ARHGAP15: variants seen among roughly 807,000 people sequenced by gnomAD.
The protein encoded by ARHGAP15 is rho GTPase-activating protein 15.
A neutral mutation model predicts 63.7 loss-of-function variants in ARHGAP15; 51 were observed. The observed-to-expected ratio is 0.80, with a 90% confidence interval of 0.64 to 1.01. The LOEUF (loss-of-function observed/expected upper bound fraction) is 1.01. ARHGAP15 is among the 50% of genes least tolerant of loss of function. ARHGAP15 has a pLI of 0.00. For missense variants in ARHGAP15, 560 were observed against 564.6 expected (o/e 0.99, Z 0.08); for synonymous variants, 191 against 193.8 (o/e 0.99, Z 0.12).
intron 6 of ARHGAP15, among the ~76,000 whole-genome samples, chr2:143,284,909 A>G (rs1682020584): frequency 6.6e-6 from 1 of 152,170 alleles, no homozygotes; most frequent in Non-Finnish European, 1.5e-5. Flanking sequence ...CCATGTCTCA[A>G]ATTCTTACTT....
At chr2:143,632,608 T>C (rs1452950991) in intron 12 of ARHGAP15, among the ~76,000 whole-genome samples, 1 of 152,138 alleles carries the variant, frequency 6.6e-6, no homozygotes, top group African/African-American at 2.4e-5. Context: ...AAGTAGAGAT[T>C]ATCCTGTGCC....
chr2:143,306,980 G>C (rs879726030), intron 6 of ARHGAP15, among the ~76,000 whole-genome samples: 3 of 152,084 alleles, frequency 2.0e-5, no homozygotes, highest in Non-Finnish European at 2.9e-5. Context: ...AGTCGTCAGT[G>C]GGGCTGTGAT....
At chr2:143,268,272 A>C (rs1373271223) in intron 6 of ARHGAP15, among the ~76,000 whole-genome samples, 1 of 152,116 alleles carries the variant, frequency 6.6e-6, no homozygotes, top group Non-Finnish European at 1.5e-5. Flanking sequence ...AAGGCCCTCA[A>C]ACAACAGTCC....
intron 11 of ARHGAP15, among the ~76,000 whole-genome samples, chr2:143,621,971 C>T (rs1431658652): frequency 6.6e-6 from 1 of 151,808 alleles, no homozygotes; most frequent in Admixed American, 6.6e-5. Context: ...TTGTGTTGGA[C>T]TTTTCTGATA....
intron 10 of ARHGAP15, among the ~76,000 whole-genome samples, chr2:143,548,109 T>C (rs949286602): frequency 6.6e-6 from 1 of 152,024 alleles, no homozygotes; most frequent in Non-Finnish European, 1.5e-5. Flanking sequence ...TAAGACGAGG[T>C]TTGTTAAGAG....
chr2:143,219,527 CAT>C (rs1692902643), intron 4 of ARHGAP15, among the ~76,000 whole-genome samples: 2 of 152,214 alleles, frequency 1.3e-5, no homozygotes, highest in Non-Finnish European at 2.9e-5. Flanking sequence ...ATAAATCGCA[CAT>C]ATATGTTTCC....
At chr2:143,740,678 G>C (rs1327044458) in intron 13 of ARHGAP15, among the ~76,000 whole-genome samples, 3 of 152,070 alleles carry the variant, frequency 2.0e-5, no homozygotes, top group East Asian at 3.9e-4. Context: ...GGTACAGCAG[G>C]GGCAGTTTGC....
At chr2:143,308,421 C>A (rs1376781434) in intron 6 of ARHGAP15, among the ~76,000 whole-genome samples, 2 of 151,788 alleles carry the variant, frequency 1.3e-5, no homozygotes, top group Non-Finnish European at 2.9e-5. Flanking sequence ...GTCCAAGATT[C>A]TATTCTTTAA....
chr2:143,609,096 T>C (rs1478994213), intron 11 of ARHGAP15, among the ~76,000 whole-genome samples: 1 of 152,244 alleles, frequency 6.6e-6, no homozygotes, highest in Non-Finnish European at 1.5e-5. Context: ...TTTGGCTGTA[T>C]GTGTCTTGTG....
intron 6 of ARHGAP15, among the ~76,000 whole-genome samples, chr2:143,298,454 T>C (rs149335417): frequency 1.0e-3 from 156 of 152,134 alleles, no homozygotes; most frequent in South Asian, 4.1e-3. Context: ...AAGATGATTA[T>C]GACAGCTTCG....
intron 1 of ARHGAP15, among the ~76,000 whole-genome samples, chr2:143,139,493 T>G (rs757439103): frequency 6.6e-6 from 1 of 152,152 alleles, no homozygotes; most frequent in Non-Finnish European, 1.5e-5. Context: ...ATAAATGTAT[T>G]TTAAGGCTTT....
intron 13 of ARHGAP15, among the ~76,000 whole-genome samples, chr2:143,707,038 G>A (rs892373699): frequency 6.6e-6 from 1 of 152,182 alleles, no homozygotes; most frequent in Non-Finnish European, 1.5e-5. Flanking sequence ...AGTAGCTGGT[G>A]GTTGAGAGCC....
At position 143,159,305 on chromosome 2, in the gene ARHGAP15, GA is replaced by G. The variant is rs199711653; in HGVS notation, c.165+3651del. 1.6e-4 allele frequency among the ~76,000 whole-genome samples: 24 copies of G among 151,958 alleles called. No individual in the cohort carries two copies. In the East Asian group the frequency reaches 4.7e-3, roughly 30 times the overall value. ...TTGTTTCTTACTTCTGTGATTATAG[GA>G]TACTTGCCAAAGTTGTGGCTAGCCA... On this transcript the variant is annotated intron_variant, in intron 2 of 13. Transcript: ENST00000295095.
rs544081503 is a variant in ARHGAP15 at position 143,236,761 on chromosome 2, T to C, written c.384+8093T>C. ...TAAGAGAGTAATTAATAGTGAACTATGGAAAATTCTTTTTTTGTTGTTTAT... is the reference window on the plus strand; with the variant it reads ...TAAGAGAGTAATTAATAGTGAACTACGGAAAATTCTTTTTTTGTTGTTTAT... On this transcript the variant is annotated intron_variant, in intron 5 of 13. Coordinates refer to ENST00000295095, the MANE Select transcript of ARHGAP15 (RefSeq NM_018460.4). 7 of 152,344 alleles carry C rather than the reference T, an allele frequency of 4.6e-5. 1 individual carries two copies. The South Asian group carries it at 1.4e-3, about 32-fold the overall frequency. The allele number at this position is 152,344 out of a possible 1,614,324, so 9.4% of individuals were successfully genotyped here.
chr2:143,519,949 CA>C (rs1036608097), intron 10 of ARHGAP15, among the ~76,000 whole-genome samples: 9 of 152,128 alleles, frequency 5.9e-5, no homozygotes, highest in African/African-American at 1.9e-4. Flanking sequence ...AAACAAAACC[CA>C]ACTGAATCAT....
intron 12 of ARHGAP15, among the ~76,000 whole-genome samples, chr2:143,688,819 A>T (rs896529859): frequency 2.0e-5 from 3 of 152,180 alleles, no homozygotes; most frequent in Non-Finnish European, 4.4e-5. Context: ...GTTAGGAAAG[A>T]CTAAATGTTT....
At chr2:143,299,391 AT>A (rs1682794770) in intron 6 of ARHGAP15, among the ~76,000 whole-genome samples, 1 of 151,966 alleles carries the variant, frequency 6.6e-6, no homozygotes, top group Non-Finnish European at 1.5e-5. Flanking sequence ...TCCTCTAAAT[AT>A]TTACCACACT....
intron 6 of ARHGAP15, among the ~76,000 whole-genome samples, chr2:143,264,532 C>A (rs1680895590): frequency 6.6e-6 from 1 of 151,986 alleles, no homozygotes; most frequent in South Asian, 2.1e-4. Flanking sequence ...TGAATAGCCA[C>A]CCTGGTATAT....
intron 6 of ARHGAP15, among the ~76,000 whole-genome samples, chr2:143,287,634 C>T (rs891382718): frequency 6.6e-6 from 1 of 151,712 alleles, no homozygotes; most frequent in Non-Finnish European, 1.5e-5. Flanking sequence ...GGTGAAACCC[C>T]AACTCTACTA....
Sources: allele counts gnomAD v4.1 joint callset (sites outside exome capture counted in the v4.1 genomes callset), GRCh38; gene constraint gnomAD v4.1.1; transcripts MANE v1.5; gene names NCBI Gene and HGNC (gene_info 2026-07-23, HGNC 2026-07-21).